The following ESRRG variants were observed in gnomAD, a reference collection of about 807,000 sequenced individuals.
ESRRG encodes estrogen related receptor gamma.
A neutral mutation model predicts 44.0 loss-of-function variants in ESRRG; 13 were observed. That is an observed-to-expected ratio of 0.30 (90% CI 0.19 to 0.47). The LOEUF is 0.47. ESRRG is among the 20% of genes least tolerant of loss of function. The pLI is 1.00. For missense variants in ESRRG, 395 were observed against 580.6 expected, an observed-to-expected ratio of 0.68 and a Z score of 3.29; for synonymous variants, 215 against 214.6, an observed-to-expected ratio of 1.00 and a Z score of -0.02.
chr1:216,625,800 T>C (rs533111885), intron 3 of ESRRG, among the ~76,000 whole-genome samples: 1 of 152,332 alleles, frequency 6.6e-6, no homozygotes, highest in East Asian at 1.9e-4. Flanking sequence ...GAGGTGGACA[T>C]GGCATTTTAC....
intron 1 of ESRRG, among the ~76,000 whole-genome samples, chr1:216,997,786 T>C (rs896813053): frequency 2.0e-5 from 3 of 152,136 alleles, no homozygotes; most frequent in Non-Finnish European, 2.9e-5. Context: ...CACCATACAA[T>C]GCTAGCAAAT....
chr1:216,630,169 T>C (rs1239335169), intron 3 of ESRRG, among the ~76,000 whole-genome samples: 1 of 152,174 alleles, frequency 6.6e-6, no homozygotes, highest in Non-Finnish European at 1.5e-5. Flanking sequence ...GGAAGTGCTA[T>C]GAAAAACTAT....
chr1:216,810,665 T>A (rs956657656), intron 2 of ESRRG, among the ~76,000 whole-genome samples: 15 of 147,680 alleles, frequency 1.0e-4, no homozygotes, highest in African/African-American at 3.5e-4. Context: ...CAAGTATTGC[T>A]TTTTGGAAAG....
At chr1:216,564,593 T>TC (rs1186216444) in intron 4 of ESRRG, among the ~76,000 whole-genome samples, 1 of 152,092 alleles carries the variant, frequency 6.6e-6, no homozygotes, top group Non-Finnish European at 1.5e-5. Flanking sequence ...ATGTAGTCTT[T>TC]TTTTTTCTTC....
At chr1:216,725,622 C>T (rs1363449155), upstream of ESRRG, among the ~76,000 whole-genome samples, 2 of 152,022 alleles carry the variant, frequency 1.3e-5, no homozygotes, top group African/African-American at 2.4e-5. Context: ...TGATTACTAT[C>T]GTGATTTCTG....
intron 1 of ESRRG, among the ~76,000 whole-genome samples, chr1:216,698,435 C>T (rs1173102443): frequency 2.0e-5 from 3 of 146,452 alleles, no homozygotes; most frequent in African/African-American, 5.0e-5. Context: ...AGGAGAACGG[C>T]GTGAACCCGG....
chr1:216,630,853 A>C (rs565890538), intron 3 of ESRRG, among the ~76,000 whole-genome samples: 46 of 152,304 alleles, frequency 3.0e-4, no homozygotes, highest in African/African-American at 1.1e-3. Context: ...CACCTTTCAG[A>C]AAATGAAAAG....
chr1:216,735,987 A>AAAAAAAAAAT (rs1453476198), intron 2 of ESRRG, among the ~76,000 whole-genome samples: 14,735 of 136,252 alleles, frequency 0.11, 1,129 homozygotes, highest in Non-Finnish European at 0.17. Context: ...CTCAAAAAAA[A>AAAAAAAAAAT]ATATATATAT....
At chr1:216,846,172 T>C (rs1406684703) in intron 2 of ESRRG, among the ~76,000 whole-genome samples, 1 of 152,176 alleles carries the variant, frequency 6.6e-6, no homozygotes, top group Non-Finnish European at 1.5e-5. Flanking sequence ...CTTTACATGG[T>C]CAATATCGTA....
chr1:216,979,020 G>T (rs950962122), intron 1 of ESRRG, among the ~76,000 whole-genome samples: 2 of 152,052 alleles, frequency 1.3e-5, no homozygotes, highest in Admixed American at 6.6e-5. Context: ...CCTTAGAGAG[G>T]AGAAGTTTGC....
At chr1:217,057,051 T>TC (rs2087265194) in intron 1 of ESRRG, among the ~76,000 whole-genome samples, 1 of 152,114 alleles carries the variant, frequency 6.6e-6, no homozygotes, top group Non-Finnish European at 1.5e-5. Flanking sequence ...AGCAGTTTAC[T>TC]CCCCATGAAG....
intron 6 of ESRRG, among the ~76,000 whole-genome samples, chr1:216,517,313 C>A (rs760832978): frequency 6.6e-6 from 1 of 152,098 alleles, no homozygotes; most frequent in African/African-American, 2.4e-5. Flanking sequence ...TGGATTAGGA[C>A]GTTTATCTAT....
At chr1:216,854,334 C>T (rs1191449787) in intron 2 of ESRRG, among the ~76,000 whole-genome samples, 21 of 119,164 alleles carry the variant, frequency 1.8e-4, no homozygotes, top group African/African-American at 6.1e-4. Context: ...TCCAGCCTGG[C>T]GACAGAGCAA....
At chr1:216,626,480 G>A (rs2063205160) in intron 3 of ESRRG, among the ~76,000 whole-genome samples, 1 of 152,150 alleles carries the variant, frequency 6.6e-6, no homozygotes. Flanking sequence ...GGATACTGTG[G>A]CTCCACTATC....
intron 1 of ESRRG, among the ~76,000 whole-genome samples, chr1:217,070,610 A>T (rs1010828491): frequency 2.6e-5 from 4 of 152,178 alleles, no homozygotes; most frequent in African/African-American, 9.6e-5. Context: ...CGAACCCCTG[A>T]CCTCAGGTTA....
intron 1 of ESRRG, among the ~76,000 whole-genome samples, chr1:216,719,050 C>A (rs1463585555): frequency 2.0e-5 from 3 of 151,964 alleles, no homozygotes; most frequent in Non-Finnish European, 2.9e-5. Context: ...TGCTTAACAT[C>A]ACTTTACAAG....
chr1:216,699,972 T>C (rs979781969), intron 1 of ESRRG, among the ~76,000 whole-genome samples: 2 of 152,206 alleles, frequency 1.3e-5, no homozygotes, highest in African/African-American at 4.8e-5. Context: ...ATGACCTGCA[T>C]TTTTTAATTT....
chr1:217,105,657 G>A (rs1418109954), intron 1 of ESRRG, among the ~76,000 whole-genome samples: 1 of 152,140 alleles, frequency 6.6e-6, no homozygotes, highest in Non-Finnish European at 1.5e-5. Context: ...GACTCCTGTA[G>A]GAGCGCCTGC....
At chr1:217,079,038 G>A (rs2091545239) in intron 1 of ESRRG, among the ~76,000 whole-genome samples, 1 of 152,122 alleles carries the variant, frequency 6.6e-6, no homozygotes, top group African/African-American at 2.4e-5. Context: ...GTTTAGCAGT[G>A]GAATCACCTT....
Sources: gnomAD v4.1 joint callset for allele counts (sites outside exome capture counted in the v4.1 genomes callset) on GRCh38, gnomAD v4.1.1 for gene constraint, MANE v1.5 for transcripts, NCBI Gene and HGNC (gene_info 2026-07-23, HGNC 2026-07-21) for gene names.